TNFRSF1A: variants seen among roughly 807,000 people sequenced by gnomAD.
The protein encoded by TNFRSF1A is TNF receptor superfamily member 1A.
A neutral mutation model predicts 41.6 loss-of-function variants in TNFRSF1A; 9 were observed. The observed-to-expected ratio is 0.22, with a 90% CI of 0.13 to 0.38. The LOEUF is 0.38. TNFRSF1A is among the 10% of genes least tolerant of loss of function. The pLI, the probability that TNFRSF1A is intolerant of heterozygous loss-of-function variation, is 1.00. For missense variants in TNFRSF1A, 463 were observed against 591.5 expected, an observed-to-expected ratio of 0.78 and a Z score of 2.25; for synonymous variants, 254 against 248.6, an observed-to-expected ratio of 1.02 and a Z score of -0.21.
Position 6,329,393 on chromosome 12 carries a change from G to A in TNFRSF1A, c.1287C>T (p.Asp429=), listed in dbSNP as rs1592043048. 6.4e-7 allele frequency: 1 copy of A among 1,556,536 alleles called. No individual in the cohort carries two copies. Among genetic ancestry groups the A allele is most frequent in the Non-Finnish European group, 8.6e-7 (1 of 1,158,302 alleles). The change falls in exon 10 of 10, where the codon GAC becomes GAT. Residue 429 remains aspartate (D), a synonymous_variant. Coordinates refer to ENST00000162749, the MANE Select transcript of TNFRSF1A (RefSeq NM_001065.4). ...ELLGRVLRDM[D]LLGCLEDIEE... ...CGATGTCCTCCAGGCAGCCCAGCAG[G>A]TCCATGTCGCGGAGCACGCGTCCCA...
chr12:6,332,182 C>G (rs4149587), intron 5 of TNFRSF1A, among the ~76,000 whole-genome samples: 71,046 of 151,392 alleles, frequency 0.47, 17,665 homozygotes, highest in African/African-American at 0.64. Context: ...GGCTCATGCC[C>G]GTAATCCTAG....
chr12:6,333,269 G>C lies in TNFRSF1A; in HGVS notation c.472+98C>G, dbSNP rs71579335. 62 of 1,554,572 alleles carry C rather than the reference G, an allele frequency of 4.0e-5. 1 individual carries two copies. The highest frequency in any genetic ancestry group is 3.5e-4 in the Admixed American group (19 of 54,204). ...AGAGGAGTTGGTTGTCAGACCCACA[G>C]AATACAGGAGGGGGAAGGAAAGGAA... On this transcript the variant is annotated intron_variant, in intron 4 of 9. Coordinates refer to ENST00000162749, the MANE Select transcript of TNFRSF1A (RefSeq NM_001065.4). This position sits in a 1 kb window ranked among gnomAD's most constrained non-coding sequence, Gnocchi z 6.3.
chr12:6,339,361 A>G (rs1477313413), intron 1 of TNFRSF1A, among the ~76,000 whole-genome samples: 7 of 152,216 alleles, frequency 4.6e-5, no homozygotes, highest in Non-Finnish European at 7.3e-5. Flanking sequence ...TAAGGGGCAC[A>G]GTTAATGTGA....
At chr12:6,338,240 G>A (rs1238459247) in intron 1 of TNFRSF1A, among the ~76,000 whole-genome samples, 1 of 151,876 alleles carries the variant, frequency 6.6e-6, no homozygotes, top group Non-Finnish European at 1.5e-5. Context: ...ACACACCATC[G>A]ACTTCCCGGA....
At chr12:6,339,444 A>C (rs912695750) in intron 1 of TNFRSF1A, among the ~76,000 whole-genome samples, 1 of 152,210 alleles carries the variant, frequency 6.6e-6, no homozygotes, top group African/African-American at 2.4e-5. Context: ...CTCTCACTTG[A>C]GTCAAAGACA....
Position 6,333,251 on chromosome 12 carries a change from T to A in TNFRSF1A, c.473-104A>T. The A allele has an allele frequency of 6.5e-7, 1 of 1,549,550 alleles. No homozygotes were observed. Among genetic ancestry groups the A allele is most frequent in the African/African-American group, 1.4e-5 (1 of 73,308 alleles). Reference sequence around the variant, plus strand: ...CAGGGTGGGGGCGGCCAGAGAGGAGTTGGTTGTCAGACCCACAGAATACAG... The same window carrying A: ...CAGGGTGGGGGCGGCCAGAGAGGAGATGGTTGTCAGACCCACAGAATACAG... On this transcript the variant is annotated intron_variant, in intron 4 of 9. Transcript: ENST00000162749. The surrounding 1 kb of genome is among the most constrained non-coding windows in gnomAD (Gnocchi z 6.3).
chr12:6,341,721 C>A lies in TNFRSF1A; in HGVS notation c.39+55G>T. The A allele has an allele frequency of 6.2e-7, 1 of 1,607,938 alleles. No individual in the cohort carries two copies. Among genetic ancestry groups the A allele is most frequent in the South Asian group, 1.1e-5 (1 of 90,714 alleles). ...GCCCCCTCCCGGAGAGGGCCCACGC[C>A]AGCCGGAAGGTGCCTCGCCCACCAG... On this transcript the variant is annotated intron_variant, in intron 1 of 9. Transcript: ENST00000162749. This position sits in a 1 kb window ranked among gnomAD's most constrained non-coding sequence, Gnocchi z 4.6.
intron 5 of TNFRSF1A, among the ~76,000 whole-genome samples, chr12:6,332,457 A>AAAAAAAGG (rs1364901075): frequency 7.6e-6 from 1 of 131,160 alleles, no homozygotes. Context: ...AAAAAAAAAC[A>AAAAAAAGG]CCAAAAGAAA....
At position 6,330,926 on chromosome 12, in the gene TNFRSF1A, G is replaced by A. The variant is rs916617108; in HGVS notation, c.552C>T (p.Asn184=). Residue 184 remains asparagine (N), a splice_region_variant and synonymous_variant, in exon 6 of 10, where the codon AAC becomes AAT. Coordinates refer to ENST00000162749, the MANE Select transcript of TNFRSF1A (RefSeq NM_001065.4). ...TCGTGCACTCCAGGCTTTTCTTACA[G>A]CTAAAAGAAGAGACGGCACTGGTGA... ...LRENECVSCS[N]CKKSLECTKL... 1.9e-6 allele frequency: 3 copies of A among 1,613,224 alleles called. No homozygotes were observed. In the African/African-American group the frequency reaches 4.0e-5, roughly 22 times the overall value.
Position 6,341,867 on chromosome 12 carries a change from A to C in TNFRSF1A, c.-53T>G. ...CCATTTGGGCTCAGGGCAGTGTGGC[A>C]GCGGCAGTGCTGGGGCTTCCCGGGA... On this transcript the variant is annotated 5_prime_UTR_variant, in exon 1 of 10. Transcript: ENST00000162749. This position sits in a 1 kb window ranked among gnomAD's most constrained non-coding sequence, Gnocchi z 4.6. The C allele has an allele frequency of 1.2e-6, 2 of 1,607,588 alleles. No individual in the cohort carries two copies. Among genetic ancestry groups the C allele is most frequent in the Non-Finnish European group, 1.7e-6 (2 of 1,174,466 alleles).
At chr12:6,338,950 T>G (rs962728466) in intron 1 of TNFRSF1A, among the ~76,000 whole-genome samples, 1 of 152,148 alleles carries the variant, frequency 6.6e-6, no homozygotes, top group African/African-American at 2.4e-5. Context: ...ACCTCACTTC[T>G]AATCACAGTC....
chr12:6,336,714 G>C (rs1178107814), intron 1 of TNFRSF1A, among the ~76,000 whole-genome samples: 4 of 151,920 alleles, frequency 2.6e-5, no homozygotes, highest in Non-Finnish European at 5.9e-5. Flanking sequence ...CCCCTCAGCG[G>C]CCTTTAGCTG....
chr12:6,341,893 C>T lies in TNFRSF1A; in HGVS notation c.-79G>A. The T allele has an allele frequency of 6.5e-7, 1 of 1,544,974 alleles. No homozygotes were observed. Among genetic ancestry groups the T allele is most frequent in the Non-Finnish European group, 8.9e-7 (1 of 1,119,520 alleles). On this transcript the variant is annotated 5_prime_UTR_variant, in exon 1 of 10. Transcript: ENST00000162749. This position sits in a 1 kb window ranked among gnomAD's most constrained non-coding sequence, Gnocchi z 4.6. ...GCGGCAGTGCTGGGGCTTCCCGGGA[C>T]TCGGTCTGTCCAGGACGTCCCAAGT...
rs943247628 is a variant in TNFRSF1A, at chr12:6,333,610, A to G, written c.323-94T>C. 54 of 1,595,026 alleles carry G rather than the reference A, an allele frequency of 3.4e-5. No homozygotes were observed. The African/African-American group carries it at 7.0e-4, about 21-fold the overall frequency. ...CCCTAAGTGTGTGTCTCTGTAATAC[A>G]CACTCACATCCATGCAGTGTCCCAC... On this transcript the variant is annotated intron_variant, in intron 3 of 9. Coordinates refer to ENST00000162749, the MANE Select transcript of TNFRSF1A (RefSeq NM_001065.4). The surrounding 1 kb of genome is among the most constrained non-coding windows in gnomAD (Gnocchi z 6.3).
At chr12:6,336,853 C>T (rs1377555134) in intron 1 of TNFRSF1A, among the ~76,000 whole-genome samples, 1 of 152,258 alleles carries the variant, frequency 6.6e-6, no homozygotes, top group Non-Finnish European at 1.5e-5. Flanking sequence ...GCCCTCCCAC[C>T]CTGGGTTCAC....
In TNFRSF1A at chr12:6,329,294, G is replaced by T; in HGVS notation, c.*18C>A. 6.9e-7 allele frequency: 1 copy of T among 1,457,368 alleles called. No individual in the cohort carries two copies. The allele number at this position is 1,457,368 out of a possible 1,614,324, so 90.3% of individuals were successfully genotyped here. A position where few individuals can be genotyped will look rare whatever the true frequency, so the allele number is the denominator to read the frequency against. On this transcript the variant is annotated 3_prime_UTR_variant, in exon 10 of 10. Transcript: ENST00000162749. Reference sequence around the variant, plus strand: ...ATCTCGCAGGACGGTCCTTAGAGCTGCCCGCAGGGGCGCAGCCTCATCTGA... The same window carrying T: ...ATCTCGCAGGACGGTCCTTAGAGCTTCCCGCAGGGGCGCAGCCTCATCTGA...
rs1224128146 is a variant in TNFRSF1A at position 6,330,036 on chromosome 12, G to A, written c.799C>T (p.Leu267=). 8.1e-6 allele frequency: 13 copies of A among 1,612,884 alleles called. No individual in the cohort carries two copies. The highest frequency in any genetic ancestry group is 1.0e-5 in the Non-Finnish European group (12 of 1,179,828). ...GELEGTTTKP[L]APNPSFSPTP... ...GGACTGAAGCTTGGGTTTGGGGCCA[G>A]GGGCTTAGTAGTAGTTCCTTCAAGC... Residue 267 remains leucine (L), a synonymous_variant, in exon 9 of 10, where the codon CTG becomes TTG. Coordinates refer to ENST00000162749, the MANE Select transcript of TNFRSF1A (RefSeq NM_001065.4).
Position 6,329,451 on chromosome 12 carries a change from C to T in TNFRSF1A, c.1229G>A (p.Arg410His). 6.3e-7 allele frequency: 1 copy of T among 1,588,704 alleles called. No homozygotes were observed. Among genetic ancestry groups the T allele is most frequent in the Non-Finnish European group, 8.5e-7 (1 of 1,174,762 alleles). The change falls in exon 10 of 10, where the codon CGC becomes CAC. Residue 410 changes from arginine (R) to histidine (H), a missense_variant. Coordinates refer to ENST00000162749, the MANE Select transcript of TNFRSF1A (RefSeq NM_001065.4). ...QYSMLATWRR[R>H]TPRREATLEL... ...CAGCGTGGCCTCGCGCCGCGGCGTGCGCCGCCTCCAGGTCGCCAGCATGCT... is the reference window on the plus strand; with the variant it reads ...CAGCGTGGCCTCGCGCCGCGGCGTGTGCCGCCTCCAGGTCGCCAGCATGCT...
At chr12:6,336,411 C>T (rs887015065) in intron 1 of TNFRSF1A, among the ~76,000 whole-genome samples, 1 of 152,148 alleles carries the variant, frequency 6.6e-6, no homozygotes, top group African/African-American at 2.4e-5. Flanking sequence ...CCCAGCTCCT[C>T]AAGGGTCATG....
Sources: allele counts gnomAD v4.1 joint callset (sites outside exome capture counted in the v4.1 genomes callset), GRCh38; gene constraint gnomAD v4.1.1; non-coding constraint Gnocchi (gnomAD v3.1); transcripts MANE v1.5; gene names NCBI Gene and HGNC (gene_info 2026-07-23, HGNC 2026-07-21).